The following SENP5 variants were observed in gnomAD, a reference collection of about 807,000 sequenced individuals.
The protein encoded by SENP5 is sentrin-specific protease 5.
SENP5 carries 21 observed loss-of-function variants against 74.2 expected under a neutral mutation model. That is an observed-to-expected ratio of 0.28 (90% confidence interval 0.20 to 0.41). The LOEUF (loss-of-function observed/expected upper bound fraction) is 0.41, where lower values mean the gene tolerates loss of function less well. Among genes scored for constraint, SENP5 ranks in the 10% least tolerant of loss-of-function variants. SENP5 has a pLI of 1.00. For missense variants in SENP5, 717 were observed against 889.1 expected, an observed-to-expected ratio of 0.81 and a Z score of 2.46; for synonymous variants, 311 against 312.7, an observed-to-expected ratio of 0.99 and a Z score of 0.06.
chr3:196,917,236 TCAAG>T (rs1193452136), intron 6 of SENP5, among the ~76,000 whole-genome samples: 1 of 151,582 alleles, frequency 6.6e-6, no homozygotes, highest in Non-Finnish European at 1.5e-5. Flanking sequence ...GCAAAATTGA[TCAAG>T]CAGAAGAAAG....
chr3:196,890,901 C>T (rs1714173579), intron 2 of SENP5, among the ~76,000 whole-genome samples: 1 of 147,900 alleles, frequency 6.8e-6, no homozygotes, highest in Non-Finnish European at 1.5e-5. Flanking sequence ...ATGGTTACTT[C>T]TTTTGGAGGG....
chr3:196,928,466 C>T (rs1012559226), intron 8 of SENP5, among the ~76,000 whole-genome samples: 4 of 152,206 alleles, frequency 2.6e-5, no homozygotes, highest in Non-Finnish European at 1.5e-5. Flanking sequence ...TATTGGATCT[C>T]ATTTGATCCT....
At chr3:196,916,662 G>A (rs1715390869) in intron 6 of SENP5, among the ~76,000 whole-genome samples, 1 of 151,656 alleles carries the variant, frequency 6.6e-6, no homozygotes, top group Non-Finnish European at 1.5e-5. Context: ...TGAGTAACTG[G>A]GATTACAGGC....
chr3:196,912,436 A>G (rs773920628), intron 6 of SENP5, among the ~76,000 whole-genome samples: 3 of 152,140 alleles, frequency 2.0e-5, no homozygotes, highest in Non-Finnish European at 4.4e-5. Context: ...TTGGGGGCAA[A>G]GAGAGGGAGA....
At chr3:196,911,195 C>T (rs1715110071) in intron 6 of SENP5, among the ~76,000 whole-genome samples, 1 of 151,350 alleles carries the variant, frequency 6.6e-6, no homozygotes, top group Non-Finnish European at 1.5e-5. Flanking sequence ...AAAGCAATTG[C>T]AGCAAAAGCC....
intron 1 of SENP5, among the ~76,000 whole-genome samples, chr3:196,880,932 C>G (rs533093013): frequency 6.7e-6 from 1 of 150,152 alleles, no homozygotes; most frequent in Admixed American, 6.7e-5. Context: ...TGAGCCACCG[C>G]GCCTGGCCCT....
chr3:196,882,184 C>T (rs1054562012), intron 1 of SENP5, among the ~76,000 whole-genome samples: 11 of 151,874 alleles, frequency 7.2e-5, no homozygotes, highest in African/African-American at 2.4e-4. Context: ...TAGGTGTGAG[C>T]CACCACACTC....
At chr3:196,926,782 G>C (rs1327773702) in intron 7 of SENP5, among the ~76,000 whole-genome samples, 1 of 151,890 alleles carries the variant, frequency 6.6e-6, no homozygotes, top group East Asian at 2.0e-4. Flanking sequence ...GGGATTACAG[G>C]TGTGCACCAC....
intron 5 of SENP5, among the ~76,000 whole-genome samples, chr3:196,902,511 G>C (rs919883477): frequency 6.6e-6 from 1 of 152,198 alleles, no homozygotes; most frequent in African/African-American, 2.4e-5. Context: ...TATAAAACCA[G>C]ATTACTGGGC....
chr3:196,929,761 C>G lies in SENP5; in HGVS notation c.2157+78C>G, dbSNP rs1039961977. The G allele has an allele frequency of 1.2e-5, 11 of 943,712 alleles. No individual in the cohort carries two copies. In the African/African-American group the frequency reaches 1.6e-4, roughly 14 times the overall value. The allele number at this position is 943,712 out of a possible 1,614,324, so 58.5% of individuals were successfully genotyped here. ...GGTTGAGAGGGGAGAGATGGCAGTTCCTGTATGTGTATATGATGCTAGGTA... is the reference window on the plus strand; with the variant it reads ...GGTTGAGAGGGGAGAGATGGCAGTTGCTGTATGTGTATATGATGCTAGGTA... On this transcript the variant is annotated intron_variant, in intron 9 of 9. Coordinates refer to ENST00000323460, the MANE Select transcript of SENP5 (RefSeq NM_152699.5).
chr3:196,914,581 AAAAAAATAT>A (rs1229529568), intron 6 of SENP5: 7 of 96,372 alleles, frequency 7.3e-5, no homozygotes, highest in African/African-American at 2.7e-4. Flanking sequence ...AAAAAAAAAA[AAAAAAATAT>A]ATATATATAT....
At chr3:196,905,906 A>G (rs1714883147) in intron 6 of SENP5, among the ~76,000 whole-genome samples, 1 of 152,136 alleles carries the variant, frequency 6.6e-6, no homozygotes, top group African/African-American at 2.4e-5. Context: ...GCTGCCAGCC[A>G]TCAGTTAATC....
At chr3:196,918,297 A>G (rs1468314779) in intron 6 of SENP5, among the ~76,000 whole-genome samples, 2 of 133,694 alleles carry the variant, frequency 1.5e-5, no homozygotes, top group Non-Finnish European at 3.3e-5. Context: ...ACAGAACGAG[A>G]CTCTGTCAAA....
intron 6 of SENP5, among the ~76,000 whole-genome samples, chr3:196,917,441 A>G (rs1715427706): frequency 1.3e-5 from 2 of 152,188 alleles, no homozygotes; most frequent in South Asian, 2.1e-4. Context: ...AGAGAAAGGT[A>G]TCAATATTCA....
At chr3:196,876,085 G>A (rs1364213670) in intron 1 of SENP5, among the ~76,000 whole-genome samples, 4 of 152,116 alleles carry the variant, frequency 2.6e-5, no homozygotes, top group Admixed American at 2.0e-4. Context: ...ATATTAAGAA[G>A]TTTGTTTATA....
At chr3:196,916,903 G>A (rs904801988) in intron 6 of SENP5, among the ~76,000 whole-genome samples, 3 of 152,096 alleles carry the variant, frequency 2.0e-5, no homozygotes, top group African/African-American at 7.2e-5. Context: ...GGAGGCCTAG[G>A]TGGGTAGATC....
chr3:196,916,798 TTGAG>T (rs546492101), intron 6 of SENP5, among the ~76,000 whole-genome samples: 34 of 151,824 alleles, frequency 2.2e-4, no homozygotes, highest in African/African-American at 8.2e-4. Flanking sequence ...GTGCTGGGAT[TTGAG>T]TGACCACACC....
At chr3:196,896,569 C>A (rs1233569823) in intron 2 of SENP5, among the ~76,000 whole-genome samples, 1 of 152,194 alleles carries the variant, frequency 6.6e-6, no homozygotes, top group African/African-American at 2.4e-5. Context: ...ATTTTCCTGC[C>A]TCAGTCTCCC....
intron 7 of SENP5, among the ~76,000 whole-genome samples, chr3:196,926,310 C>G (rs1042161984): frequency 6.6e-6 from 1 of 151,830 alleles, no homozygotes; most frequent in African/African-American, 2.4e-5. Flanking sequence ...GGTGAAACCC[C>G]GTCTCTATTA....
Sources: allele counts gnomAD v4.1 joint callset (sites outside exome capture counted in the v4.1 genomes callset), GRCh38; gene constraint gnomAD v4.1.1; transcripts MANE v1.5; gene names NCBI Gene and HGNC (gene_info 2026-07-23, HGNC 2026-07-21).